PPFIBP2: variants seen among roughly 807,000 people sequenced by gnomAD.
PPFIBP2 encodes the protein liprin-beta-2.
PPFIBP2 carries 118 observed loss-of-function variants against 118.3 expected under a neutral mutation model. The observed-to-expected ratio is 1.00, with a 90% CI of 0.86 to 1.16. The LOEUF is 1.16. Ranked by LOEUF, PPFIBP2 falls within the 50% of genes most tolerant of loss-of-function variation. The pLI is 0.00. For synonymous variants in PPFIBP2, 414 were observed against 397.4 expected, an observed-to-expected ratio of 1.04 and a Z score of -0.50; for missense variants, 1,195 against 1,073.1, an observed-to-expected ratio of 1.11 and a Z score of -1.59.
chr11:7,616,851 T>C lies in PPFIBP2; in HGVS notation c.619-4084T>C, dbSNP rs1848713671. ...TCTTCTAGACTCCATGCCTCGGTGT[T>C]GACACAACAATATGGCACAAAGGAG... On this transcript the variant is annotated intron_variant, in intron 6 of 23. Coordinates refer to ENST00000299492, the MANE Select transcript of PPFIBP2 (RefSeq NM_003621.5). This position sits in a 1 kb window ranked among gnomAD's most constrained non-coding sequence, Gnocchi z 5.2. 6.6e-6 allele frequency among the ~76,000 whole-genome samples: 1 copy of C among 151,942 alleles called. No individual in the cohort carries two copies. Among genetic ancestry groups the C allele is most frequent in the Non-Finnish European group, 1.5e-5 (1 of 68,024 alleles).
intron 13 of PPFIBP2, among the ~76,000 whole-genome samples, chr11:7,634,931 G>C (rs113529278): frequency 2.0e-5 from 3 of 152,212 alleles, no homozygotes; most frequent in African/African-American, 7.2e-5. Flanking sequence ...GGGCACTTGG[G>C]GACATCGTAT....
intron 15 of PPFIBP2, chr11:7,641,002 T>A (rs1220149476): frequency 1.6e-6 from 2 of 1,262,868 alleles, no homozygotes; most frequent in Non-Finnish European, 2.1e-6. Flanking sequence ...TGTTTCTTCA[T>A]GTGGCTTCTC....
In PPFIBP2 at chr11:7,617,796, T is replaced by C. The variant is rs376259158; in HGVS notation, c.619-3139T>C. 3.9e-5 allele frequency among the ~76,000 whole-genome samples: 6 copies of C among 152,198 alleles called. No individual in the cohort carries two copies. In the South Asian group the frequency reaches 1.2e-3, roughly 32 times the overall value. On this transcript the variant is annotated intron_variant, in intron 6 of 23. Transcript: ENST00000299492. ...ACAAGTTTTCATATGCTGTGAATAA[T>C]TAAGTCATCATCTGAATTTCCAGGA... is the stretch of plus-strand genomic sequence containing the variant.
At chr11:7,655,970 C>T (rs764840264), downstream of PPFIBP2, among the ~76,000 whole-genome samples, 6 of 152,258 alleles carry the variant, frequency 3.9e-5, no homozygotes, top group South Asian at 2.1e-4. Context: ...CATCCTGGCA[C>T]GCCCGAAAGG....
intron 7 of PPFIBP2, among the ~76,000 whole-genome samples, chr11:7,624,517 T>A (rs1386029433): frequency 1.3e-5 from 2 of 152,090 alleles, no homozygotes; most frequent in Admixed American, 1.3e-4. Flanking sequence ...TGGGCCTTTG[T>A]GGAATTGAAC....
At chr11:7,608,893 A>G (rs1161032095) in intron 5 of PPFIBP2, among the ~76,000 whole-genome samples, 1 of 152,226 alleles carries the variant, frequency 6.6e-6, no homozygotes, top group Non-Finnish European at 1.5e-5. Context: ...GCTGACTCCT[A>G]GTGGCCAAGT....
In PPFIBP2 at chr11:7,648,875, G is replaced by A. The variant is rs767465170; in HGVS notation, c.1873G>A (p.Glu625Lys). The stretch of plus-strand genomic sequence containing the variant: ...GAAAGCCATCAACACCAAACAGGAG[G>A]AGAAGTCTGCACTGCTAGACCACAT... ...AVKAINTKQE[E>K]KSALLDHIWV... Residue 625 changes from glutamate (E) to lysine (K), a missense_variant, in exon 19 of 24, where the codon GAG (glutamate) becomes AAG (lysine). Transcript: ENST00000299492. 2.5e-6 allele frequency: 4 copies of A among 1,614,148 alleles called. No homozygotes were observed. Among genetic ancestry groups the A allele is most frequent in the East Asian group, 4.5e-5 (2 of 44,886 alleles).
chr11:7,636,509 G>T (rs1288764283), intron 14 of PPFIBP2, among the ~76,000 whole-genome samples: 1 of 151,998 alleles, frequency 6.6e-6, no homozygotes, highest in Non-Finnish European at 1.5e-5. Flanking sequence ...GCCTGGGGTT[G>T]GTGTGGTCCC....
intron 6 of PPFIBP2, chr11:7,617,406 G>A: frequency 1.6e-6 from 1 of 643,730 alleles, no homozygotes; most frequent in South Asian, 6.8e-5. Context: ...GCATGGATCT[G>A]TTGTTACCTC....
At chr11:7,541,734 C>T (rs964644270) in intron 1 of PPFIBP2, among the ~76,000 whole-genome samples, 2 of 152,196 alleles carry the variant, frequency 1.3e-5, no homozygotes, top group African/African-American at 4.8e-5. Flanking sequence ...TTCCAAATGG[C>T]TACTCAGCGT....
chr11:7,524,462 A>C (rs113984391), intron 1 of PPFIBP2, among the ~76,000 whole-genome samples: 1 of 152,194 alleles, frequency 6.6e-6, no homozygotes, highest in Non-Finnish European at 1.5e-5. Flanking sequence ...AGAACTTCCA[A>C]CTTTGGTGGA....
At chr11:7,647,119 C>A (rs1383237235) in intron 17 of PPFIBP2, among the ~76,000 whole-genome samples, 1 of 152,144 alleles carries the variant, frequency 6.6e-6, no homozygotes, top group Non-Finnish European at 1.5e-5. Flanking sequence ...CATGCTTATC[C>A]TTTGAGGAAT....
chr11:7,537,318 C>T (rs1317290719), intron 1 of PPFIBP2, among the ~76,000 whole-genome samples: 2 of 152,090 alleles, frequency 1.3e-5, no homozygotes, highest in Non-Finnish European at 1.5e-5. Flanking sequence ...AATGAGAAAA[C>T]AAAAATGAGG....
intron 2 of PPFIBP2, 63 bp downstream of exon 2, chr11:7,549,602 C>A: frequency 7.9e-7 from 1 of 1,264,370 alleles, no homozygotes; most frequent in Non-Finnish European, 1.0e-6. Context: ...CTGCTTCTCT[C>A]CTTTTACTTT....
At chr11:7,570,221 A>G (rs1404380482) in intron 3 of PPFIBP2, among the ~76,000 whole-genome samples, 1 of 152,184 alleles carries the variant, frequency 6.6e-6, no homozygotes, top group South Asian at 2.1e-4. Context: ...ATAGCCAGTC[A>G]GATTCAGATG....
chr11:7,552,842 T>C (rs541546924), intron 2 of PPFIBP2, among the ~76,000 whole-genome samples: 93 of 152,322 alleles, frequency 6.1e-4, no homozygotes, highest in African/African-American at 2.1e-3. Context: ...ACTGTGTCTA[T>C]CATGCATTCC....
chr11:7,665,425 G>A, the PPFIBP2 span: 7 of 1,611,334 alleles, frequency 4.3e-6, no homozygotes, highest in Admixed American at 8.4e-5. Context: ...CCAGGTTAGG[G>A]TGAGCCGCCG....
the PPFIBP2 span, among the ~76,000 whole-genome samples, chr11:7,663,826 C>A: frequency 6.6e-6 from 1 of 152,234 alleles, no homozygotes; most frequent in Admixed American, 6.5e-5. Flanking sequence ...ACCCTCCCAG[C>A]CAGGTGCGGG....
At chr11:7,622,258 G>A (rs1046185822) in intron 7 of PPFIBP2, among the ~76,000 whole-genome samples, 24 of 152,190 alleles carry the variant, frequency 1.6e-4, no homozygotes, top group Non-Finnish European at 3.4e-4. Context: ...CAGATCTCGT[G>A]AGAACTCACT....
Sources: gnomAD v4.1 joint callset for allele counts (sites outside exome capture counted in the v4.1 genomes callset) on GRCh38, gnomAD v4.1.1 for gene constraint, Gnocchi (gnomAD v3.1) non-coding constraint, MANE v1.5 for transcripts, NCBI Gene and HGNC (gene_info 2026-07-23, HGNC 2026-07-21) for gene names.